The following RIC1 variants were observed in gnomAD, a reference collection of about 807,000 sequenced individuals.
RIC1 encodes the protein guanine nucleotide exchange factor subunit RIC1.
In RIC1, 88 loss-of-function variants were observed where a neutral mutation model predicts 169.0. The observed-to-expected ratio is 0.52, with a 90% CI of 0.44 to 0.62. The LOEUF is 0.62. Among genes scored for constraint, RIC1 ranks in the 20% least tolerant of loss-of-function variants. The pLI is 0.00. For synonymous variants in RIC1, 790 were observed against 601.5 expected (o/e 1.31, Z -4.59); for missense variants, 1,877 against 1,725.5 (o/e 1.09, Z -1.56).
intron 7 of RIC1, among the ~76,000 whole-genome samples, chr9:5,734,906 T>G (rs1348795625): frequency 6.6e-6 from 1 of 152,214 alleles, no homozygotes; most frequent in Non-Finnish European, 1.5e-5. Context: ...AGACATTCTC[T>G]TGTATAATTG....
At chr9:5,641,578 AT>A (rs1818249793) in intron 1 of RIC1, among the ~76,000 whole-genome samples, 1 of 151,406 alleles carries the variant, frequency 6.6e-6, no homozygotes, top group Non-Finnish European at 1.5e-5. Flanking sequence ...TTTTCATGCT[AT>A]TTTTTAGGCA....
chr9:5,684,485 T>TAGTAGA, intron 2 of RIC1, among the ~76,000 whole-genome samples: 1 of 152,244 alleles, frequency 6.6e-6, no homozygotes, highest in East Asian at 1.9e-4. Context: ...TCATCTCTTT[T>TAGTAGA]GCCAGATTTA....
intron 3 of RIC1, among the ~76,000 whole-genome samples, chr9:5,700,505 A>T (rs1409560960): frequency 1.3e-5 from 2 of 152,008 alleles, no homozygotes; most frequent in Non-Finnish European, 2.9e-5. Flanking sequence ...ATCTATTCGT[A>T]AATCTAGCAA....
chr9:5,736,170 T>G (rs1039756195), intron 7 of RIC1, among the ~76,000 whole-genome samples: 1 of 152,190 alleles, frequency 6.6e-6, no homozygotes, highest in Non-Finnish European at 1.5e-5. Flanking sequence ...CAGTTGACAG[T>G]TGTCAGATGC....
intron 2 of RIC1, among the ~76,000 whole-genome samples, chr9:5,668,066 A>G (rs1586911247): frequency 1.3e-5 from 2 of 152,156 alleles, no homozygotes; most frequent in Admixed American, 1.3e-4. Flanking sequence ...GCAGCAGGGG[A>G]AACAAACATG....
At chr9:5,680,225 C>G (rs1246944560) in intron 2 of RIC1, among the ~76,000 whole-genome samples, 1 of 152,164 alleles carries the variant, frequency 6.6e-6, no homozygotes, top group African/African-American at 2.4e-5. Context: ...TTTTGATGTG[C>G]TGCTGGATTC....
intron 19 of RIC1, among the ~76,000 whole-genome samples, chr9:5,764,672 C>CT (rs1826579482): frequency 6.6e-6 from 1 of 152,104 alleles, no homozygotes; most frequent in Admixed American, 6.5e-5. Flanking sequence ...GCCAGGTGGC[C>CT]TTGAAGTATG....
intron 1 of RIC1, among the ~76,000 whole-genome samples, chr9:5,638,425 C>T (rs1447054356): frequency 1.3e-5 from 2 of 152,098 alleles, no homozygotes; most frequent in Admixed American, 1.3e-4. Flanking sequence ...TATTGGTGTT[C>T]TTCTTTAAAT....
chr9:5,766,216 A>AT (rs1189743355), intron 21 of RIC1, among the ~76,000 whole-genome samples: 2 of 152,042 alleles, frequency 1.3e-5, no homozygotes, highest in Non-Finnish European at 2.9e-5. Context: ...TAATTTTCAT[A>AT]TTTTTAGTAG....
chr9:5,642,739 T>A lies in RIC1; in HGVS notation c.144+13286T>A, dbSNP rs920672052. On this transcript the variant is annotated intron_variant, in intron 1 of 25. Coordinates refer to ENST00000414202, the MANE Select transcript of RIC1 (RefSeq NM_020829.4). ...GCAGTCATCTTCAGGTGTTTATGAA[T>A]CATTAACATAATCCATATTATAGTT... 1.1e-4 allele frequency among the ~76,000 whole-genome samples: 16 copies of A among 148,646 alleles called. 3 individuals carry two copies. The highest frequency in any genetic ancestry group is 4.2e-4 in the African/African-American group (16 of 38,432).
At chr9:5,722,337 A>AAGAG (rs147623001) in intron 6 of RIC1, among the ~76,000 whole-genome samples, 1,870 of 115,358 alleles carry the variant, frequency 0.016, 47 homozygotes, top group African/African-American at 0.049. Context: ...CAAAAACTAT[A>AAGAG]AGAGAGAGAG....
chr9:5,767,292 A>G (rs949735160), intron 21 of RIC1, among the ~76,000 whole-genome samples: 1 of 152,228 alleles, frequency 6.6e-6, no homozygotes, highest in African/African-American at 2.4e-5. Context: ...TATGCTGGAG[A>G]CTGAAACTGC....
chr9:5,759,127 C>T (rs1422647614), intron 17 of RIC1, among the ~76,000 whole-genome samples: 1 of 151,948 alleles, frequency 6.6e-6, no homozygotes, highest in East Asian at 1.9e-4. Context: ...TAATGGTAAC[C>T]AGTTAGTCCT....
At chr9:5,731,657 A>G (rs1824376044) in intron 6 of RIC1, among the ~76,000 whole-genome samples, 1 of 152,150 alleles carries the variant, frequency 6.6e-6, no homozygotes, top group East Asian at 1.9e-4. Context: ...TTCTCTATAT[A>G]TGGAGATGGC....
intron 6 of RIC1, among the ~76,000 whole-genome samples, chr9:5,731,148 G>C (rs1824350328): frequency 2.0e-5 from 3 of 151,604 alleles, no homozygotes. Context: ...TTTTTAACTT[G>C]TCTGTCTCTT....
intron 10 of RIC1, among the ~76,000 whole-genome samples, chr9:5,743,984 TAG>T (rs1227897048): frequency 2.0e-5 from 3 of 152,138 alleles, no homozygotes; most frequent in African/African-American, 7.2e-5. Context: ...TGATTTTTAG[TAG>T]AGACGTGGTC....
chr9:5,771,969 C>T (rs1827253487), intron 23 of RIC1, among the ~76,000 whole-genome samples: 1 of 152,018 alleles, frequency 6.6e-6, no homozygotes, highest in South Asian at 2.1e-4. Context: ...ACCAAAATAC[C>T]ATTATCATCC....
In RIC1 at chr9:5,732,381, A is replaced by C; in HGVS notation, c.721-7A>C. ...TTTTAAGCCTTAACTATTTTTCTTT[A>C]TTATAGCAGCTTCATGGAGTTTGGC... On this transcript the variant is annotated splice_polypyrimidine_tract_variant and splice_region_variant and intron_variant, in intron 6 of 25. Coordinates refer to ENST00000414202, the MANE Select transcript of RIC1 (RefSeq NM_020829.4). The C allele has an allele frequency of 1.2e-6, 2 of 1,602,588 alleles. No individual in the cohort carries two copies. The highest frequency in any genetic ancestry group is 1.7e-6 in the Non-Finnish European group (2 of 1,174,710).
chr9:5,736,317 C>A (rs1054532376), intron 7 of RIC1, among the ~76,000 whole-genome samples: 1 of 152,096 alleles, frequency 6.6e-6, no homozygotes, highest in South Asian at 2.1e-4. Context: ...ATGACATTTT[C>A]CCTCCCACCT....
Sources: gnomAD v4.1 joint callset for allele counts (sites outside exome capture counted in the v4.1 genomes callset) on GRCh38, gnomAD v4.1.1 for gene constraint, MANE v1.5 for transcripts, NCBI Gene and HGNC (gene_info 2026-07-23, HGNC 2026-07-21) for gene names.